The following FOXP2 variants were observed in gnomAD, a reference collection of about 807,000 sequenced individuals.
FOXP2 encodes the protein forkhead box protein P2.
In FOXP2, 12 loss-of-function variants were observed where a neutral mutation model predicts 115.8. The ratio of observed to expected loss-of-function variants is 0.10; its 90% CI spans 0.07 to 0.17. FOXP2 has a LOEUF of 0.17. Among genes scored for constraint, FOXP2 ranks in the 10% least tolerant of loss-of-function variants. FOXP2 has a pLI of 1.00. For synonymous variants in FOXP2, 328 were observed against 297.7 expected (o/e 1.10, Z -1.05); for missense variants, 629 against 843.5 (o/e 0.75, Z 3.15).
chr7:114,361,504 C>T (rs1482716875), intron 2 of FOXP2, among the ~76,000 whole-genome samples: 2 of 151,916 alleles, frequency 1.3e-5, no homozygotes, highest in Non-Finnish European at 2.9e-5. Flanking sequence ...ATTTGTTCAG[C>T]CATAATGTCT....
chr7:114,644,821 G>A (rs201588163), intron 8 of FOXP2, 32 bp downstream of exon 8: 21 of 1,534,514 alleles, frequency 1.4e-5, no homozygotes, highest in South Asian at 2.2e-5. Flanking sequence ...GGTGGGGGGC[G>A]GGGGCTGGAT....
intron 2 of FOXP2, among the ~76,000 whole-genome samples, chr7:114,315,819 C>G (rs747207904): frequency 6.6e-6 from 1 of 152,074 alleles, no homozygotes; most frequent in Non-Finnish European, 1.5e-5. Context: ...CCTTGTGTTA[C>G]GTGTATTTCT....
At chr7:114,231,532 A>G (rs767240753) in intron 1 of FOXP2, among the ~76,000 whole-genome samples, 4 of 152,216 alleles carry the variant, frequency 2.6e-5, no homozygotes, top group Non-Finnish European at 5.9e-5. Flanking sequence ...ACATACCAAT[A>G]GAACAAAATA....
At chr7:114,536,397 CTTTTTTTTT>C (rs3997242) in intron 3 of FOXP2, among the ~76,000 whole-genome samples, 3,280 of 112,370 alleles carry the variant, frequency 0.029, 60 homozygotes, top group Non-Finnish European at 0.044. Flanking sequence ...TTTTTCTTTT[CTTTTTTTTT>C]TTTTTTTTTT....
At chr7:114,542,126 T>A (rs1799693094) in intron 3 of FOXP2, among the ~76,000 whole-genome samples, 1 of 152,102 alleles carries the variant, frequency 6.6e-6, no homozygotes, top group Admixed American at 6.6e-5. Flanking sequence ...ATTGGTTTTC[T>A]TAAAATGTTT....
rs1211003619 is a variant in FOXP2, at chr7:114,383,728, A to ATTCTCCAGAAT, written c.-10-42772_-10-42771insCTCCAGAATTT. On this transcript the variant is annotated intron_variant, in intron 2 of 17. Coordinates refer to the FOXP2 transcript ENST00000634411. ...TTCTTTCTTAGCGTCTGAGGGTCAAATTGGTCCTAATTCTCCAGAATACAT... is the reference window on the plus strand; with the variant it reads ...TTCTTTCTTAGCGTCTGAGGGTCAAATTCTCCAGAATTTGGTCCTAATTCTCCAGAATACAT... Among the ~76,000 whole-genome samples the ATTCTCCAGAAT allele has an allele frequency of 2.0e-5, 3 of 152,222 alleles. No individual in the cohort carries two copies. The East Asian group carries it at 5.8e-4, about 29-fold the overall frequency.
chr7:114,140,058 A>T (rs1792161764), intron 1 of FOXP2, among the ~76,000 whole-genome samples: 1 of 152,126 alleles, frequency 6.6e-6, no homozygotes, highest in African/African-American at 2.4e-5. Flanking sequence ...GGTTGCAGTG[A>T]GCTGAGATCG....
chr7:114,175,786 C>T (rs746249798), intron 1 of FOXP2, among the ~76,000 whole-genome samples: 9 of 152,102 alleles, frequency 5.9e-5, no homozygotes, highest in Non-Finnish European at 1.0e-4. Flanking sequence ...ATTATGTTAA[C>T]GATTCTCTTC....
At position 114,693,233 on chromosome 7, in the gene FOXP2, G is replaced by GA; in HGVS notation, c.*3311dup. 1.1e-5 allele frequency: 5 copies of GA among 449,786 alleles called. No homozygotes were observed. The highest frequency in any genetic ancestry group is 2.0e-5 in the African/African-American group (1 of 49,862). 27.9% of individuals were successfully genotyped at this position (449,786 alleles called of 1,614,324 possible). A position where few individuals can be genotyped will look rare whatever the true frequency, so the allele number is the denominator to read the frequency against. On this transcript the variant is annotated 3_prime_UTR_variant, in exon 17 of 17. Transcript: ENST00000350908. ...TTTCTTTAGATAACTCAGATATGGA[G>GA]AAAATGTCATCAGCATTCTGTGTCT... is the stretch of plus-strand genomic sequence containing the variant.
rs150941409 is a variant in FOXP2, at chr7:114,319,821, G to T, written c.-11+31712G>T. Among the ~76,000 whole-genome samples the T allele has an allele frequency of 5.4e-3, 823 of 152,290 alleles. 4 individuals are homozygous for T. The highest frequency in any genetic ancestry group is 0.019 in the African/African-American group (795 of 41,550). On this transcript the variant is annotated intron_variant, in intron 2 of 17. Transcript: ENST00000634411. ...TGGACATTTGTTATTTTGATTGCTG[G>T]CTGCTAGTTTATTTGGATTTATAAT...
chr7:114,642,386 G>T, intron 6 of FOXP2, 24 bp from the exon 7 acceptor site: 1 of 1,598,570 alleles, frequency 6.3e-7, no homozygotes, highest in South Asian at 1.1e-5. Flanking sequence ...TGTTATGCTA[G>T]TGAAGCTTTC....
chr7:114,226,510 C>T (rs1262072707), intron 1 of FOXP2, among the ~76,000 whole-genome samples: 1 of 152,134 alleles, frequency 6.6e-6, no homozygotes, highest in African/African-American at 2.4e-5. Context: ...TTACCTTTCT[C>T]TAAATATTTA....
chr7:114,663,607 G>A, intron 15 of FOXP2, 88 bp downstream of exon 15: 1 of 1,014,288 alleles, frequency 9.9e-7, no homozygotes, highest in Non-Finnish European at 1.5e-6. Context: ...GTGAGATTGT[G>A]ATTGTTCTTA....
chr7:114,271,673 T>G (rs1200587882), intron 1 of FOXP2, among the ~76,000 whole-genome samples: 1 of 118,296 alleles, frequency 8.5e-6, no homozygotes, highest in Non-Finnish European at 1.6e-5. Context: ...AATATATTAT[T>G]TAAAATTATA....
At chr7:114,453,265 A>T (rs759710327) in intron 2 of FOXP2, among the ~76,000 whole-genome samples, 1 of 152,156 alleles carries the variant, frequency 6.6e-6, no homozygotes, top group Non-Finnish European at 1.5e-5. Flanking sequence ...GTAACTGAAG[A>T]GATGGGAGAA....
At chr7:114,412,100 A>G (rs889962678), upstream of FOXP2, among the ~76,000 whole-genome samples, 1 of 152,120 alleles carries the variant, frequency 6.6e-6, no homozygotes, top group African/African-American at 2.4e-5. Flanking sequence ...AAATATTTTT[A>G]AAGATTTGCT....
intron 1 of FOXP2, among the ~76,000 whole-genome samples, chr7:114,228,612 C>T (rs1794798940): frequency 6.6e-6 from 1 of 151,856 alleles, no homozygotes; most frequent in Admixed American, 6.6e-5. Flanking sequence ...GCTACTACCA[C>T]TTCTACTTTA....
At chr7:114,479,915 G>T (rs1447103070) in intron 2 of FOXP2, among the ~76,000 whole-genome samples, 1 of 151,302 alleles carries the variant, frequency 6.6e-6, no homozygotes, top group East Asian at 1.9e-4. Flanking sequence ...ATTACATCCT[G>T]ATCATTCTGA....
At chr7:114,299,924 C>T (rs1339566478) in intron 2 of FOXP2, among the ~76,000 whole-genome samples, 3 of 152,002 alleles carry the variant, frequency 2.0e-5, no homozygotes, top group African/African-American at 4.8e-5. Context: ...AAGGATTACA[C>T]AGTACTCATT....
Sources: allele counts gnomAD v4.1 joint callset (sites outside exome capture counted in the v4.1 genomes callset), GRCh38; gene constraint gnomAD v4.1.1; transcripts MANE v1.5; gene names NCBI Gene and HGNC (gene_info 2026-07-23, HGNC 2026-07-21).